FERMT2: variants seen among roughly 807,000 people sequenced by gnomAD.
FERMT2 encodes fermitin family homolog 2.
In FERMT2, 15 loss-of-function variants were observed where a neutral mutation model predicts 82.7. The ratio of observed to expected loss-of-function variants is 0.18; its 90% confidence interval spans 0.12 to 0.28. The LOEUF is 0.28. Among genes scored for constraint, FERMT2 ranks in the 10% least tolerant of loss-of-function variants. The pLI, the probability that FERMT2 is intolerant of heterozygous loss-of-function variation, is 1.00. For missense variants in FERMT2, 645 were observed against 809.4 expected (o/e 0.80, Z 2.46); for synonymous variants, 274 against 271.5 (o/e 1.01, Z -0.09).
intron 2 of FERMT2, among the ~76,000 whole-genome samples, chr14:52,932,508 T>C (rs1458227444): frequency 6.6e-6 from 1 of 152,216 alleles, no homozygotes; most frequent in African/African-American, 2.4e-5. Flanking sequence ...TTAGCAGCCA[T>C]ATAACTACTT....
At chr14:52,876,850 G>T in intron 7 of FERMT2, among the ~76,000 whole-genome samples, 1 of 152,046 alleles carries the variant, frequency 6.6e-6, no homozygotes, top group Non-Finnish European at 1.5e-5. Context: ...GGTACTAGTT[G>T]GCTTCCTACA....
intron 13 of FERMT2, 142 bp from the exon 14 acceptor site, chr14:52,859,856 T>A (rs144728607): frequency 4.4e-6 from 2 of 458,384 alleles, no homozygotes; most frequent in Admixed American, 4.3e-5. Context: ...CTTGCTCTGT[T>A]GCCCAGGCTG....
At position 52,906,490 on chromosome 14, in the gene FERMT2, T is replaced by C. The variant is rs1468235002; in HGVS notation, c.391+12633A>G. 5.3e-5 allele frequency among the ~76,000 whole-genome samples: 5 copies of C among 94,836 alleles called. No individual in the cohort carries two copies. In the South Asian group the frequency reaches 9.4e-4, roughly 18 times the overall value. The allele number at this position is 94,836 out of a possible 152,430, so 62.2% of individuals were successfully genotyped here. ...CAGAAAAAAATTCAAGACTACTCAATACAAAAAAATCCAGCCACTATGACG... is the reference window on the plus strand; with the variant it reads ...CAGAAAAAAATTCAAGACTACTCAACACAAAAAAATCCAGCCACTATGACG... On this transcript the variant is annotated intron_variant, in intron 3 of 14. Transcript: ENST00000341590.
intron 10 of FERMT2, among the ~76,000 whole-genome samples, chr14:52,867,999 A>T (rs568342350): frequency 6.6e-6 from 1 of 152,286 alleles, no homozygotes; most frequent in South Asian, 2.1e-4. Context: ...ACTGGTATAA[A>T]TATGGATCTT....
At chr14:52,932,485 A>G (rs967357305) in intron 2 of FERMT2, among the ~76,000 whole-genome samples, 1 of 152,224 alleles carries the variant, frequency 6.6e-6, no homozygotes, top group African/African-American at 2.4e-5. Flanking sequence ...AGACAAACTC[A>G]AAGAGGTTAT....
In FERMT2 at chr14:52,887,783, G is replaced by A. The variant is rs992148853; in HGVS notation, c.526+5510C>T. On this transcript the variant is annotated intron_variant, in intron 4 of 14. Transcript: ENST00000341590. ...TGGGAAAATTACTTAACTAAGTAAC[G>A]AAAATTACTTAACTAAAGTTAACTA... Among the ~76,000 whole-genome samples the A allele has an allele frequency of 4.6e-5, 7 of 151,952 alleles. No homozygotes were observed. The East Asian group carries it at 7.7e-4, about 17-fold the overall frequency.
intron 3 of FERMT2, among the ~76,000 whole-genome samples, chr14:52,916,834 C>T (rs1036258182): frequency 6.6e-6 from 1 of 152,122 alleles, no homozygotes; most frequent in African/African-American, 2.4e-5. Flanking sequence ...TTGCTGTGAA[C>T]CTACAACTCC....
chr14:52,866,662 G>A (rs981138304), intron 10 of FERMT2, among the ~76,000 whole-genome samples: 2 of 152,122 alleles, frequency 1.3e-5, no homozygotes, highest in African/African-American at 4.8e-5. Flanking sequence ...GCATCCTTCT[G>A]TGCTTATACA....
intron 9 of FERMT2, among the ~76,000 whole-genome samples, chr14:52,873,880 C>T (rs1426673396): frequency 6.6e-6 from 1 of 151,878 alleles, no homozygotes; most frequent in Non-Finnish European, 1.5e-5. Flanking sequence ...CCAACTGAGG[C>T]CCGGAGGGGC....
At chr14:52,869,488 G>A (rs1374618827) in intron 10 of FERMT2, among the ~76,000 whole-genome samples, 2 of 152,068 alleles carry the variant, frequency 1.3e-5, no homozygotes, top group Non-Finnish European at 2.9e-5. Context: ...CTGCATATAC[G>A]ACAGCGACAA....
chr14:52,950,296 A>T, intron 2 of FERMT2, 116 bp downstream of exon 2: 1 of 992,124 alleles, frequency 1.0e-6, no homozygotes, highest in South Asian at 1.5e-5. Context: ...ATCTCCAAAA[A>T]GCATTTGCGA....
Position 52,874,245 on chromosome 14 carries a change from CTTTTTTAAT to C in FERMT2, c.1099-28_1099-20del, listed in dbSNP as rs1312008343. 6.5e-7 allele frequency: 1 copy of C among 1,534,320 alleles called. No individual in the cohort carries two copies. The highest frequency in any genetic ancestry group is 8.8e-7 in the Non-Finnish European group (1 of 1,135,322). The stretch of plus-strand genomic sequence containing the variant: ...TGTCACCCTAGGAGAGAGTTAAATC[CTTTTTTAAT>C]TTTTTTAATATTTGAAATTCTTTCT... On this transcript the variant is annotated intron_variant, in intron 8 of 14. Transcript: ENST00000341590.
At chr14:52,876,777 C>G (rs1423161377) in intron 7 of FERMT2, among the ~76,000 whole-genome samples, 1 of 152,132 alleles carries the variant, frequency 6.6e-6, no homozygotes. Context: ...AGTATAGGTT[C>G]TCTCTGAAAG....
At chr14:52,950,748 C>G (rs915858120) in intron 1 of FERMT2, 171 bp from the exon 2 acceptor site, 4 of 574,312 alleles carry the variant, frequency 7.0e-6, no homozygotes, top group African/African-American at 2.0e-5. Context: ...CCCTACGCCC[C>G]GCTCGCCCCG....
Position 52,865,887 on chromosome 14 carries a change from A to G in FERMT2, c.1274-1034T>C, listed in dbSNP as rs149281530. On this transcript the variant is annotated intron_variant, in intron 10 of 14. Coordinates refer to ENST00000341590, the MANE Select transcript of FERMT2 (RefSeq NM_006832.3). ...CTCCTCCCCAGAAGCAACTCCTACC[A>G]TGAATTTTGTAGATTCCCCCCTGCC... 5.1e-3 allele frequency among the ~76,000 whole-genome samples: 773 copies of G among 152,308 alleles called. 7 individuals carry two copies. Among genetic ancestry groups the G allele is most frequent in the East Asian group, 0.051 (262 of 5,182 alleles).
intron 2 of FERMT2, among the ~76,000 whole-genome samples, chr14:52,929,018 A>C (rs1275792099): frequency 1.3e-5 from 2 of 152,122 alleles, no homozygotes; most frequent in Non-Finnish European, 2.9e-5. Flanking sequence ...CACTGGTGTC[A>C]GCAGCCCAAC....
chr14:52,893,750 C>T (rs963745046), intron 3 of FERMT2, among the ~76,000 whole-genome samples: 1 of 151,786 alleles, frequency 6.6e-6, no homozygotes, highest in Non-Finnish European at 1.5e-5. Context: ...ATGTCCTTCA[C>T]TCATTCTGTA....
intron 2 of FERMT2, among the ~76,000 whole-genome samples, chr14:52,945,051 C>CCAT (rs1218122462): frequency 1.3e-5 from 2 of 151,946 alleles, no homozygotes; most frequent in Non-Finnish European, 2.9e-5. Context: ...CAGGTGCGTG[C>CCAT]CATCACGCCT....
intron 3 of FERMT2, among the ~76,000 whole-genome samples, chr14:52,897,043 CACACA>C (rs1887319081): frequency 1.6e-5 from 2 of 122,904 alleles, no homozygotes; most frequent in African/African-American, 2.8e-5. Context: ...CACACACACA[CACACA>C]CCATGGTAGA....
Sources: gnomAD v4.1 joint callset for allele counts (sites outside exome capture counted in the v4.1 genomes callset) on GRCh38, gnomAD v4.1.1 for gene constraint, MANE v1.5 for transcripts, NCBI Gene and HGNC (gene_info 2026-07-23, HGNC 2026-07-21) for gene names.